SEMA3A: variants seen among roughly 807,000 people sequenced by gnomAD.
SEMA3A encodes the protein semaphorin-3A.
In SEMA3A, 29 loss-of-function variants were observed where a neutral mutation model predicts 97.9. That is an observed-to-expected ratio of 0.30 (90% CI 0.22 to 0.40). The LOEUF is 0.40. Among genes scored for constraint, SEMA3A ranks in the 10% least tolerant of loss-of-function variants. The pLI is 1.00. For synonymous variants in SEMA3A, 321 were observed against 323.7 expected (o/e 0.99, Z 0.09); for missense variants, 763 against 951.3 (o/e 0.80, Z 2.60).
At chr7:84,232,073 CACAT>C (rs1799128399) in intron 3 of SEMA3A, among the ~76,000 whole-genome samples, 1 of 151,114 alleles carries the variant, frequency 6.6e-6, no homozygotes, top group Admixed American at 6.6e-5. Flanking sequence ...TATATACACA[CACAT>C]ACATACACAC....
chr7:83,998,569 A>C (rs542418276), intron 12 of SEMA3A, among the ~76,000 whole-genome samples: 2 of 152,244 alleles, frequency 1.3e-5, no homozygotes, highest in South Asian at 2.1e-4. Context: ...CTTAGGCTAC[A>C]CTAATTTTTT....
intron 6 of SEMA3A, 81 bp downstream of exon 6, chr7:84,046,243 G>T (rs1171841371): frequency 6.7e-7 from 1 of 1,494,634 alleles, no homozygotes; most frequent in Non-Finnish European, 9.2e-7. Context: ...AAGTCATATT[G>T]CATGTACTGT....
At chr7:84,325,738 T>A (rs1801760503) in intron 2 of SEMA3A, among the ~76,000 whole-genome samples, 1 of 152,108 alleles carries the variant, frequency 6.6e-6, no homozygotes, top group Non-Finnish European at 1.5e-5. Flanking sequence ...AATTAGCCAG[T>A]AAAGATTGAA....
At chr7:84,445,442 C>T (rs777304697) in intron 1 of SEMA3A, among the ~76,000 whole-genome samples, 12 of 123,700 alleles carry the variant, frequency 9.7e-5, no homozygotes, top group Non-Finnish European at 7.9e-5. Flanking sequence ...TCTAGTGAAC[C>T]GAGAGCATGC....
intron 15 of SEMA3A, among the ~76,000 whole-genome samples, 191 bp downstream of exon 15, chr7:83,976,941 T>A (rs1008384362): frequency 1.3e-5 from 2 of 152,164 alleles, no homozygotes; most frequent in Admixed American, 1.3e-4. Flanking sequence ...TAAAACATAA[T>A]TTATGATAAT....
chr7:84,432,370 GTAC>G lies in SEMA3A; in HGVS notation c.-246+60087_-246+60089del, dbSNP rs796577514. Among the ~76,000 whole-genome samples, 104 of 151,684 alleles carry G rather than the reference GTAC, an allele frequency of 6.9e-4. 1 individual carries two copies. The highest frequency in any genetic ancestry group is 2.3e-3 in the African/African-American group (96 of 41,348). On this transcript the variant is annotated intron_variant, in intron 1 of 3. Coordinates refer to the SEMA3A transcript ENST00000424555. Reference sequence around the variant, plus strand: ...CTCTTTATTCTCTTGTTTCTCTTTAGTACTACAATTATTTTTATTATTTCAACA... The same window carrying G: ...CTCTTTATTCTCTTGTTTCTCTTTAGTACAATTATTTTTATTATTTCAACA...
intron 1 of SEMA3A, among the ~76,000 whole-genome samples, chr7:84,135,263 A>T (rs956647378): frequency 2.6e-5 from 4 of 151,814 alleles, no homozygotes; most frequent in Admixed American, 6.6e-5. Flanking sequence ...GACATGCACC[A>T]CTATGCCCGG....
At chr7:84,180,029 C>T (rs1005580121) in intron 1 of SEMA3A, among the ~76,000 whole-genome samples, 1 of 148,530 alleles carries the variant, frequency 6.7e-6, no homozygotes, top group Non-Finnish European at 1.5e-5. Flanking sequence ...TCACCACAAC[C>T]TCCACCTCCC....
intron 3 of SEMA3A, among the ~76,000 whole-genome samples, chr7:84,200,306 A>G (rs1393519898): frequency 6.6e-6 from 1 of 152,184 alleles, no homozygotes; most frequent in East Asian, 1.9e-4. Context: ...AACAATACAG[A>G]AGGAGACCAG....
chr7:84,417,888 A>G (rs1804476668), intron 1 of SEMA3A, among the ~76,000 whole-genome samples: 1 of 152,162 alleles, frequency 6.6e-6, no homozygotes, highest in Non-Finnish European at 1.5e-5. Flanking sequence ...CATTATATAG[A>G]TAGCAATTAC....
At chr7:84,224,249 T>C (rs1318951067) in intron 3 of SEMA3A, among the ~76,000 whole-genome samples, 1 of 151,964 alleles carries the variant, frequency 6.6e-6, no homozygotes, top group Non-Finnish European at 1.5e-5. Context: ...ATAAATCAAT[T>C]ATTGGTGTTT....
intron 3 of SEMA3A, among the ~76,000 whole-genome samples, chr7:84,246,308 AT>A (rs1229430173): frequency 6.6e-6 from 1 of 152,236 alleles, no homozygotes; most frequent in Non-Finnish European, 1.5e-5. Flanking sequence ...GCGCCAGAAA[AT>A]TAAAACAAGG....
At chr7:83,967,767 CAAAA>C (rs1198001859) in intron 15 of SEMA3A, among the ~76,000 whole-genome samples, 1 of 151,950 alleles carries the variant, frequency 6.6e-6, no homozygotes, top group Admixed American at 6.6e-5. Flanking sequence ...AACAAACAAA[CAAAA>C]AACTATCAAT....
intron 1 of SEMA3A, among the ~76,000 whole-genome samples, chr7:84,154,137 AG>A (rs1340971228): frequency 6.6e-6 from 1 of 152,160 alleles, no homozygotes; most frequent in African/African-American, 2.4e-5. Flanking sequence ...TGTATGAGAT[AG>A]AACCATTTTT....
At chr7:84,235,259 A>G (rs901881428) in intron 3 of SEMA3A, among the ~76,000 whole-genome samples, 1 of 152,034 alleles carries the variant, frequency 6.6e-6, no homozygotes, top group African/African-American at 2.4e-5. Context: ...TAATAATGAC[A>G]AGATATTTTT....
intron 13 of SEMA3A, among the ~76,000 whole-genome samples, chr7:83,984,258 A>G (rs1455250997): frequency 6.6e-6 from 1 of 152,160 alleles, no homozygotes; most frequent in Non-Finnish European, 1.5e-5. Flanking sequence ...GGAAATCCCC[A>G]GATTTCTTTG....
intron 2 of SEMA3A, among the ~76,000 whole-genome samples, chr7:84,370,951 C>T (rs1802958994): frequency 6.7e-6 from 1 of 149,864 alleles, no homozygotes; most frequent in African/African-American, 2.5e-5. Context: ...TCTAGTATAC[C>T]ATATAGAACA....
intron 3 of SEMA3A, among the ~76,000 whole-genome samples, chr7:84,266,381 G>A (rs532838744): frequency 6.6e-6 from 1 of 150,984 alleles, no homozygotes; most frequent in Non-Finnish European, 1.5e-5. Context: ...ATAAACAAGA[G>A]GCCATTTTAG....
chr7:84,202,327 A>T (rs1176349220), intron 3 of SEMA3A, among the ~76,000 whole-genome samples: 1 of 152,192 alleles, frequency 6.6e-6, no homozygotes, highest in African/African-American at 2.4e-5. Context: ...AATATGTCCT[A>T]TACAGTTAAT....
Sources: gnomAD v4.1 joint callset for allele counts (sites outside exome capture counted in the v4.1 genomes callset) on GRCh38, gnomAD v4.1.1 for gene constraint, MANE v1.5 for transcripts, NCBI Gene and HGNC (gene_info 2026-07-23, HGNC 2026-07-21) for gene names.